ELMO1: variants seen among roughly 807,000 people sequenced by gnomAD.
ELMO1 encodes engulfment and cell motility protein 1.
A neutral mutation model predicts 98.9 loss-of-function variants in ELMO1; 26 were observed. The observed-to-expected ratio is 0.26, with a 90% CI of 0.19 to 0.36. The LOEUF is 0.36. Among genes scored for constraint, ELMO1 ranks in the 10% least tolerant of loss-of-function variants. ELMO1 has a pLI of 1.00. For missense variants in ELMO1, 627 were observed against 935.2 expected (o/e 0.67, Z 4.30); for synonymous variants, 346 against 346.0 (o/e 1.00, Z 0.00).
In ELMO1 at chr7:37,147,818, T is replaced by C. The variant is rs1444654225; in HGVS notation, c.1087-14584A>G. ...GCAGATATATCAGAGGAGAGAGGCA[T>C]GTCAGAAAAGTTGGAAAAAAAAAAA... On this transcript the variant is annotated intron_variant, in intron 13 of 21. Coordinates refer to ENST00000310758, the MANE Select transcript of ELMO1 (RefSeq NM_014800.11). Among the ~76,000 whole-genome samples, 3 of 145,184 alleles carry C rather than the reference T, an allele frequency of 2.1e-5. 1 individual carries two copies. The highest frequency in any genetic ancestry group is 5.3e-5 in the African/African-American group (2 of 38,010).
At chr7:37,318,497 T>C (rs1266386109) in intron 2 of ELMO1, among the ~76,000 whole-genome samples, 1 of 152,208 alleles carries the variant, frequency 6.6e-6, no homozygotes, top group Non-Finnish European at 1.5e-5. Flanking sequence ...GAGGAATTAC[T>C]TGGATTTTAA....
intron 1 of ELMO1, among the ~76,000 whole-genome samples, chr7:37,438,605 A>G (rs1207467765): frequency 1.3e-5 from 2 of 152,118 alleles, no homozygotes; most frequent in Non-Finnish European, 2.9e-5. Flanking sequence ...GTCTCAAAAA[A>G]AAAAACACTA....
chr7:36,957,982 T>C (rs1025386128), intron 16 of ELMO1, among the ~76,000 whole-genome samples: 2 of 152,200 alleles, frequency 1.3e-5, no homozygotes, highest in African/African-American at 4.8e-5. Context: ...TTCTTTAACT[T>C]ACTACTGTCT....
intron 1 of ELMO1, among the ~76,000 whole-genome samples, chr7:37,415,128 A>T (rs1331873540): frequency 1.3e-5 from 2 of 152,224 alleles, no homozygotes; most frequent in Non-Finnish European, 2.9e-5. Flanking sequence ...TTATATGCAT[A>T]CAAAGCCTGT....
intron 13 of ELMO1, among the ~76,000 whole-genome samples, chr7:37,139,346 T>C (rs1787467832): frequency 6.6e-6 from 1 of 152,232 alleles, no homozygotes. Context: ...AATAAGCTCC[T>C]AAAACTGGCA....
At chr7:37,308,975 G>T (rs1379989728) in intron 4 of ELMO1, among the ~76,000 whole-genome samples, 2 of 152,232 alleles carry the variant, frequency 1.3e-5, no homozygotes, top group Non-Finnish European at 2.9e-5. Flanking sequence ...AGGCAGCAGG[G>T]TCTCAGAACA....
At chr7:37,289,321 T>C (rs1420607003) in intron 4 of ELMO1, among the ~76,000 whole-genome samples, 1 of 152,200 alleles carries the variant, frequency 6.6e-6, no homozygotes, top group Non-Finnish European at 1.5e-5. Context: ...AACGAGTGGA[T>C]ATTTATTTCA....
intron 14 of ELMO1, among the ~76,000 whole-genome samples, chr7:37,103,543 T>C (rs1463044718): frequency 7.2e-6 from 1 of 138,422 alleles, no homozygotes; most frequent in African/African-American, 2.6e-5. Context: ...GGGGGAGGGA[T>C]AGCATTATGA....
chr7:37,024,516 G>T (rs924701941), intron 15 of ELMO1, among the ~76,000 whole-genome samples: 5 of 152,194 alleles, frequency 3.3e-5, no homozygotes, highest in Non-Finnish European at 5.9e-5. Flanking sequence ...TATTATGGAT[G>T]AGTGATGAAC....
chr7:36,918,218 A>G (rs1269095766), intron 16 of ELMO1, among the ~76,000 whole-genome samples: 1 of 152,146 alleles, frequency 6.6e-6, no homozygotes, highest in Non-Finnish European at 1.5e-5. Flanking sequence ...ACTCAACTCC[A>G]TATCTGAGGG....
intron 16 of ELMO1, among the ~76,000 whole-genome samples, chr7:36,945,080 C>T (rs987090086): frequency 6.6e-6 from 1 of 152,196 alleles, no homozygotes; most frequent in Non-Finnish European, 1.5e-5. Context: ...CAAGTTTGCT[C>T]TGGGTGTGGT....
chr7:37,413,922 C>T lies in ELMO1; in HGVS notation c.-74+34753G>A, dbSNP rs551236794. 2.0e-5 allele frequency among the ~76,000 whole-genome samples: 3 copies of T among 152,234 alleles called. No homozygotes were observed. In the East Asian group the frequency reaches 5.8e-4, roughly 29 times the overall value. ...GGAACTCCTGGTCTCAAGTGATCTG[C>T]CTGCCTCGCCCTCCCAGAGTGCTGG... is the stretch of plus-strand genomic sequence containing the variant. On this transcript the variant is annotated intron_variant, in intron 1 of 21. Transcript: ENST00000310758.
At chr7:37,348,535 T>C (rs1801115410) in intron 1 of ELMO1, among the ~76,000 whole-genome samples, 1 of 152,204 alleles carries the variant, frequency 6.6e-6, no homozygotes, top group African/African-American at 2.4e-5. Context: ...GGTGTGTTTA[T>C]AGTTGAGTGG....
chr7:36,979,168 A>T (rs914892783), intron 16 of ELMO1, among the ~76,000 whole-genome samples: 2 of 152,184 alleles, frequency 1.3e-5, no homozygotes, highest in African/African-American at 4.8e-5. Context: ...ATAATCTGAA[A>T]GTAGAGAGAA....
intron 13 of ELMO1, among the ~76,000 whole-genome samples, chr7:37,148,139 C>T (rs1255833756): frequency 1.3e-5 from 2 of 152,202 alleles, no homozygotes; most frequent in Non-Finnish European, 2.9e-5. Flanking sequence ...CTTCTCATCA[C>T]ACAATTTTGG....
At chr7:37,307,752 G>A (rs1383570350) in intron 4 of ELMO1, among the ~76,000 whole-genome samples, 1 of 152,158 alleles carries the variant, frequency 6.6e-6, no homozygotes, top group Non-Finnish European at 1.5e-5. Flanking sequence ...CTATCATCTC[G>A]TTCTATGTTT....
At chr7:36,986,463 GA>G in intron 16 of ELMO1, 1 of 163,962 alleles carries the variant, frequency 6.1e-6, no homozygotes, top group Non-Finnish European at 1.3e-5. Context: ...AGGACAAGAA[GA>G]AAAAGAAAAA....
At chr7:37,226,059 C>T (rs986636958) in intron 8 of ELMO1, among the ~76,000 whole-genome samples, 2 of 152,100 alleles carry the variant, frequency 1.3e-5, no homozygotes, top group Admixed American at 6.5e-5. Flanking sequence ...CACAGCACAC[C>T]ATGGCAGTTC....
At chr7:36,983,033 C>T (rs1020598305) in intron 16 of ELMO1, among the ~76,000 whole-genome samples, 3 of 152,196 alleles carry the variant, frequency 2.0e-5, no homozygotes, top group African/African-American at 7.2e-5. Flanking sequence ...TCATGGGAAC[C>T]CCCAAACTGG....
Sources: allele counts gnomAD v4.1 joint callset (sites outside exome capture counted in the v4.1 genomes callset), GRCh38; gene constraint gnomAD v4.1.1; transcripts MANE v1.5; gene names NCBI Gene and HGNC (gene_info 2026-07-23, HGNC 2026-07-21).